TACC2: variants seen among roughly 807,000 people sequenced by gnomAD.
The protein encoded by TACC2 is transforming acidic coiled-coil containing protein 2, also known as transforming acidic coiled-coil-containing protein 2.
In TACC2, 137 loss-of-function variants were observed where a neutral mutation model predicts 227.3. The ratio of observed to expected loss-of-function variants is 0.60; its 90% CI spans 0.52 to 0.69. The LOEUF (loss-of-function observed/expected upper bound fraction) is 0.69. Among genes scored for constraint, TACC2 ranks in the 30% least tolerant of loss-of-function variants. The probability of loss-of-function intolerance (pLI) is 0.00; values close to 1 mark genes in which losing one functional copy is unlikely to be tolerated. For missense variants in TACC2, 3,470 were observed against 3,694.4 expected (o/e 0.94, Z 1.57); for synonymous variants, 1,523 against 1,487.5 (o/e 1.02, Z -0.55).
Position 122,132,713 on chromosome 10 carries a change from C to T in TACC2, c.5678C>T (p.Ser1893Phe). Residue 1893 changes from serine (S) to phenylalanine (F), a missense_variant, in exon 6 of 23, where the codon TCT (serine) becomes TTT (phenylalanine). This residue lies in a region of TACC2 where 1,924 missense variants were observed against 1,978.3 expected (regional missense o/e 0.97). Coordinates refer to ENST00000369005, the MANE Select transcript of TACC2 (RefSeq NM_206862.4). ...CACGGTGATGTTGTTGGCCAGGTCT[C>T]TACGGATCTGATAGCCCAGAGGTAC... The part of the protein sequence containing the change: ...SYHGDVVGQV[S>F]TDLIAQSISP... The T allele has an allele frequency of 6.2e-7, 1 of 1,614,196 alleles. No individual in the cohort carries two copies. Among genetic ancestry groups the T allele is most frequent in the South Asian group, 1.1e-5 (1 of 91,074 alleles).
chr10:122,152,999 C>CTTTTTTTTTTTT (rs150943859), intron 7 of TACC2, among the ~76,000 whole-genome samples: 1 of 135,024 alleles, frequency 7.4e-6, no homozygotes. Flanking sequence ...TTCTTTCTTT[C>CTTTTTTTTTTTT]TTTTTTTTTT....
chr10:122,018,042 C>T (rs561635855), intron 1 of TACC2, among the ~76,000 whole-genome samples: 118 of 147,336 alleles, frequency 8.0e-4, no homozygotes, highest in Non-Finnish European at 1.4e-3. Flanking sequence ...ATGTGCAGAA[C>T]GTGCAGGTTT....
intron 2 of TACC2, among the ~76,000 whole-genome samples, chr10:122,037,821 C>T (rs1960889581): frequency 6.6e-6 from 1 of 152,210 alleles, no homozygotes; most frequent in Non-Finnish European, 1.5e-5. Flanking sequence ...GTGTTTGGCT[C>T]ATTATTCTGG....
chr10:122,176,742 A>G (rs1259230885), intron 7 of TACC2, among the ~76,000 whole-genome samples: 5 of 152,226 alleles, frequency 3.3e-5, no homozygotes, highest in African/African-American at 1.2e-4. Flanking sequence ...CCACCCACCT[A>G]GGTTCTTTGG....
chr10:122,084,498 G>A lies in TACC2; in HGVS notation c.1998G>A (p.Glu666=). Residue 666 remains glutamate, a synonymous_variant, in exon 4 of 23, where the codon GAG becomes GAA. Transcript: ENST00000369005. ...GCCTACCACACAAGCTGGGTGAGGA[G>A]GACCCCGTCCTGCCCCCTGTGCCAG... ...ASGLPHKLGE[E]DPVLPPVPDG... is the part of the protein sequence containing the mutation. 6.2e-7 allele frequency: 1 copy of A among 1,613,414 alleles called. No homozygotes were observed. Among genetic ancestry groups the A allele is most frequent in the Non-Finnish European group, 8.5e-7 (1 of 1,180,018 alleles).
chr10:122,166,731 T>G (rs889493774), intron 7 of TACC2, among the ~76,000 whole-genome samples: 3 of 152,192 alleles, frequency 2.0e-5, no homozygotes, highest in Non-Finnish European at 2.9e-5. Flanking sequence ...CAGTCTTCCC[T>G]CCATCCTGTC....
At chr10:121,992,166 C>A (rs906115849) in intron 1 of TACC2, among the ~76,000 whole-genome samples, 72 of 152,158 alleles carry the variant, frequency 4.7e-4, no homozygotes, top group Non-Finnish European at 1.5e-4. Flanking sequence ...TACTAAAAAA[C>A]TGTTCCCAGA....
At chr10:122,036,661 C>T (rs953676670) in intron 2 of TACC2, among the ~76,000 whole-genome samples, 1 of 152,018 alleles carries the variant, frequency 6.6e-6, no homozygotes, top group African/African-American at 2.4e-5. Context: ...CCATCACACC[C>T]GGCTAATTTT....
Position 122,237,982 on chromosome 10 carries a change from G to A in TACC2, c.8293G>A (p.Val2765Ile). ...RAEIITKERE[V>I]SEWKDKYEES... ...CTAGATCATAACCAAGGAGAGAGAG[G>A]TCTCAGAATGGAAAGATAAATATGA... is the stretch of plus-strand genomic sequence containing the variant. The change falls in exon 18 of 23, where the codon GTC becomes ATC. Residue 2765 changes from valine to isoleucine, a missense_variant. This residue lies in a region of TACC2 where 65 missense variants were observed against 119.3 expected (regional missense o/e 0.54). Coordinates refer to ENST00000369005, the MANE Select transcript of TACC2 (RefSeq NM_206862.4). 1 of 1,614,020 alleles carries A rather than the reference G, an allele frequency of 6.2e-7. No homozygotes were observed. The highest frequency in any genetic ancestry group is 8.5e-7 in the Non-Finnish European group (1 of 1,179,984).
chr10:122,163,911 A>G lies in TACC2; in HGVS notation c.5834+20205A>G, dbSNP rs774491841. On this transcript the variant is annotated intron_variant, in intron 7 of 22. Transcript: ENST00000369005. ...CCCGCTCGCGGCTAGCTTGCACGCCAGGGCACAGCGAGGATGGGAGGGTCG... is the reference window on the plus strand; with the variant it reads ...CCCGCTCGCGGCTAGCTTGCACGCCGGGGCACAGCGAGGATGGGAGGGTCG... 36 of 1,566,542 alleles carry G rather than the reference A, an allele frequency of 2.3e-5. No individual in the cohort carries two copies. The East Asian group carries it at 7.7e-4, about 34-fold the overall frequency.
chr10:122,172,889 C>T (rs1027000623), intron 7 of TACC2, among the ~76,000 whole-genome samples: 7 of 151,986 alleles, frequency 4.6e-5, no homozygotes, highest in Non-Finnish European at 7.4e-5. Context: ...TGTGTGAGAG[C>T]GCTGAGTTTG....
At chr10:122,161,733 A>AT (rs896820352) in intron 7 of TACC2, among the ~76,000 whole-genome samples, 7 of 152,154 alleles carry the variant, frequency 4.6e-5, no homozygotes, top group East Asian at 3.9e-4. Flanking sequence ...GTGGTTCCTC[A>AT]TTTTTTTCCT....
At chr10:122,207,320 G>A (rs866223852) in intron 8 of TACC2, among the ~76,000 whole-genome samples, 18 of 151,974 alleles carry the variant, frequency 1.2e-4, no homozygotes, top group East Asian at 1.2e-3. Context: ...TGCAGTAGGC[G>A]AGCAGGGAGG....
In TACC2 at chr10:122,210,973, C is replaced by T; in HGVS notation, c.6548C>T (p.Pro2183Leu). 1 of 1,613,342 alleles carries T rather than the reference C, an allele frequency of 6.2e-7. No individual in the cohort carries two copies. The highest frequency in any genetic ancestry group is 8.5e-7 in the Non-Finnish European group (1 of 1,179,768). ...TKTESAKTEG[P>L]SPALLEETPL... ...ACGGAATCTGCCAAGACGGAAGGTC[C>T]TAGCCCAGCCTTATTGGAGGAGACG... The change falls in exon 9 of 23, where the codon CCT becomes CTT. Residue 2183 changes from proline to leucine, a missense_variant. This residue lies in a region of TACC2 where 593 missense variants were observed against 636.6 expected (regional missense o/e 0.93). Coordinates refer to ENST00000369005, the MANE Select transcript of TACC2 (RefSeq NM_206862.4). The surrounding 1 kb of genome is among the most constrained non-coding windows in gnomAD (Gnocchi z 4.6).
rs1300731857 is a variant in TACC2, at chr10:122,087,218, G to A, written c.4718G>A (p.Arg1573Lys). Residue 1573 changes from arginine to lysine, a missense_variant, in exon 4 of 23, where the codon AGA becomes AAA. Physicochemically the swap from Arg to Lys is conservative, Grantham distance 26 (BLOSUM62 2). This residue lies in a region of TACC2 where 1,924 missense variants were observed against 1,978.3 expected (regional missense o/e 0.97). Transcript: ENST00000369005. ...PAATQELPVE[R>K]AAAFQVAPHS... ...GCTACTCAGGAGCTCCCTGTGGAGA[G>A]AGCTGCTGCCTTCCAGGTGGCTCCC... 1.2e-6 allele frequency: 2 copies of A among 1,612,978 alleles called. No homozygotes were observed. The highest frequency in any genetic ancestry group is 2.2e-5 in the South Asian group (2 of 91,014).
chr10:122,226,617 T>G (rs2095634870), intron 13 of TACC2, 136 bp downstream of exon 13: 1 of 639,310 alleles, frequency 1.6e-6, no homozygotes. Flanking sequence ...TTTTTTTTTT[T>G]TAATAGAGAC....
chr10:122,145,067 A>G (rs1244048253), intron 7 of TACC2, among the ~76,000 whole-genome samples: 1 of 152,246 alleles, frequency 6.6e-6, no homozygotes, highest in African/African-American at 2.4e-5. Flanking sequence ...TGCACAACCA[A>G]AATGTGTTGG....
intron 3 of TACC2, among the ~76,000 whole-genome samples, chr10:122,062,049 T>G (rs1440082169): frequency 1.1e-4 from 15 of 142,282 alleles, no homozygotes; most frequent in Non-Finnish European, 2.3e-4. Flanking sequence ...TTTTTTTTTT[T>G]TGAGACGGAG....
intron 2 of TACC2, among the ~76,000 whole-genome samples, chr10:122,042,070 C>G (rs372796014): frequency 2.0e-5 from 3 of 152,130 alleles, no homozygotes; most frequent in Admixed American, 6.5e-5. Context: ...CTCAGCCTCC[C>G]GAGTAGCTGG....
Sources: gnomAD v4.1 joint callset for allele counts (sites outside exome capture counted in the v4.1 genomes callset) on GRCh38, gnomAD v4.1.1 for gene constraint, gnomAD v4.1.1 regional missense constraint, Gnocchi (gnomAD v3.1) non-coding constraint, MANE v1.5 for transcripts, NCBI Gene and HGNC (gene_info 2026-07-23, HGNC 2026-07-21) for gene names.